The following TMEM132D variants were observed in gnomAD, a reference collection of about 807,000 sequenced individuals.
TMEM132D encodes the protein mature OL transmembrane protein.
A neutral mutation model predicts 62.3 loss-of-function variants in TMEM132D; 21 were observed. The observed-to-expected ratio is 0.34, with a 90% CI of 0.24 to 0.49. TMEM132D has a LOEUF of 0.49. Ranked by LOEUF, TMEM132D falls within the 20% of genes least tolerant of loss-of-function variation. The pLI, the probability that TMEM132D is intolerant of heterozygous loss-of-function variation, is 0.99. For synonymous variants in TMEM132D, 621 were observed against 575.6 expected (o/e 1.08, Z -1.13); for missense variants, 1,346 against 1,402.8 (o/e 0.96, Z 0.65).
intron 4 of TMEM132D, among the ~76,000 whole-genome samples, chr12:129,238,212 AT>A (rs1237537847): frequency 6.6e-6 from 1 of 152,098 alleles, no homozygotes; most frequent in Admixed American, 6.6e-5. Flanking sequence ...ACTTGTTGAC[AT>A]TTTTATTCAA....
chr12:129,524,981 A>G (rs913406885), intron 3 of TMEM132D, among the ~76,000 whole-genome samples: 4 of 111,934 alleles, frequency 3.6e-5, no homozygotes, highest in African/African-American at 1.4e-4. Flanking sequence ...GCTGGAGTGC[A>G]GTGGCGCGAT....
intron 4 of TMEM132D, among the ~76,000 whole-genome samples, chr12:129,229,323 C>T (rs1279545415): frequency 1.3e-5 from 2 of 152,192 alleles, no homozygotes; most frequent in South Asian, 2.1e-4. Flanking sequence ...TATCAAAGAT[C>T]GACAACTACG....
intron 4 of TMEM132D, among the ~76,000 whole-genome samples, chr12:129,256,376 C>T (rs780005425): frequency 1.3e-5 from 2 of 152,050 alleles, no homozygotes; most frequent in Admixed American, 6.5e-5. Flanking sequence ...GTAAGGTTGC[C>T]GTGTGACATA....
chr12:129,549,090 G>A (rs1566106374), intron 2 of TMEM132D, among the ~76,000 whole-genome samples: 1 of 151,914 alleles, frequency 6.6e-6, no homozygotes, highest in Non-Finnish European at 1.5e-5. Flanking sequence ...ATCTTGAATT[G>A]TAGCTCCCAT....
At chr12:129,456,806 T>C (rs12310859) in intron 3 of TMEM132D, among the ~76,000 whole-genome samples, 49,235 of 152,074 alleles carry the variant, frequency 0.32, 8,254 homozygotes, top group Non-Finnish European at 0.37. Flanking sequence ...TGTTTCTGGT[T>C]GGTTTCAGCC....
chr12:129,448,560 TTC>T (rs1260154502), intron 3 of TMEM132D, among the ~76,000 whole-genome samples: 1 of 152,234 alleles, frequency 6.6e-6, no homozygotes, highest in African/African-American at 2.4e-5. Flanking sequence ...TTGATTCTCG[TTC>T]TTTTTCAAAG....
At chr12:129,097,934 AT>A (rs1462403446) in intron 5 of TMEM132D, among the ~76,000 whole-genome samples, 12 of 152,280 alleles carry the variant, frequency 7.9e-5, no homozygotes, top group African/African-American at 2.9e-4. Flanking sequence ...CAGGGAATCA[AT>A]TCTTTCTTTC....
intron 2 of TMEM132D, among the ~76,000 whole-genome samples, chr12:129,622,284 G>A (rs1290741088): frequency 6.6e-6 from 1 of 152,220 alleles, no homozygotes; most frequent in African/African-American, 2.4e-5. Context: ...TTCGGTGTGG[G>A]CGATGACGAG....
intron 2 of TMEM132D, among the ~76,000 whole-genome samples, chr12:129,651,364 ATTT>A (rs906314049): frequency 2.6e-5 from 4 of 152,122 alleles, no homozygotes; most frequent in African/African-American, 9.7e-5. Context: ...TTTTCAATTT[ATTT>A]TTAACCTTGG....
intron 3 of TMEM132D, among the ~76,000 whole-genome samples, chr12:129,373,459 C>T (rs770658376): frequency 1.3e-5 from 2 of 151,802 alleles, no homozygotes; most frequent in Non-Finnish European, 2.9e-5. Flanking sequence ...AGTGAAACCC[C>T]GTCTCTACTA....
At chr12:129,420,261 C>G (rs955808662) in intron 3 of TMEM132D, among the ~76,000 whole-genome samples, 2 of 150,124 alleles carry the variant, frequency 1.3e-5, no homozygotes, top group African/African-American at 4.9e-5. Context: ...TCTAAGTATC[C>G]CAAACAACAT....
intron 3 of TMEM132D, among the ~76,000 whole-genome samples, chr12:129,355,936 G>A (rs1225594992): frequency 6.6e-6 from 1 of 152,164 alleles, no homozygotes. Flanking sequence ...ATCAAAGGCA[G>A]CAGGATCGCT....
At chr12:129,685,613 C>T (rs1465583257) in intron 2 of TMEM132D, among the ~76,000 whole-genome samples, 3 of 152,322 alleles carry the variant, frequency 2.0e-5, no homozygotes, top group African/African-American at 7.2e-5. Flanking sequence ...GAAGCCCCCA[C>T]ACAGAGTCCC....
chr12:129,399,327 C>A (rs112166178), intron 3 of TMEM132D, among the ~76,000 whole-genome samples: 16 of 22,822 alleles, frequency 7.0e-4, no homozygotes, highest in African/African-American at 1.6e-3. Flanking sequence ...ATTCCCACAA[C>A]AACCAACCCA....
intron 5 of TMEM132D, among the ~76,000 whole-genome samples, chr12:129,170,491 C>T (rs776318411): frequency 6.6e-6 from 1 of 152,092 alleles, no homozygotes; most frequent in Admixed American, 6.6e-5. Flanking sequence ...CATGAAATTG[C>T]ATTATGTCTA....
At chr12:129,204,808 A>C (rs1182833193) in intron 5 of TMEM132D, among the ~76,000 whole-genome samples, 1 of 152,222 alleles carries the variant, frequency 6.6e-6, no homozygotes, top group Non-Finnish European at 1.5e-5. Flanking sequence ...AGGGAACCCC[A>C]CCAGGCTAAC....
chr12:129,356,597 T>C (rs1001581427), intron 3 of TMEM132D, among the ~76,000 whole-genome samples: 3 of 151,052 alleles, frequency 2.0e-5, no homozygotes, highest in Non-Finnish European at 4.4e-5. Flanking sequence ...GCGGGAGGGC[T>C]GCTTGACCCC....
At chr12:129,648,329 G>A (rs533683827) in intron 2 of TMEM132D, among the ~76,000 whole-genome samples, 26 of 152,182 alleles carry the variant, frequency 1.7e-4, no homozygotes, top group Middle Eastern at 3.4e-3. Context: ...TCATCCCGAC[G>A]TAACCAATCC....
At chr12:129,551,713 T>C (rs1712522736) in intron 2 of TMEM132D, among the ~76,000 whole-genome samples, 1 of 152,194 alleles carries the variant, frequency 6.6e-6, no homozygotes, top group South Asian at 2.1e-4. Context: ...CTACACGCCC[T>C]GCCTAATTCA....
Sources: allele counts gnomAD v4.1 joint callset (sites outside exome capture counted in the v4.1 genomes callset), GRCh38; gene constraint gnomAD v4.1.1; transcripts MANE v1.5; gene names NCBI Gene and HGNC (gene_info 2026-07-23, HGNC 2026-07-21).